Variants in LRFN5 observed in about 807,000 individuals in gnomAD.
LRFN5 encodes leucine-rich repeat and fibronectin type-III domain-containing protein 5.
Under a neutral mutation model 45.6 loss-of-function variants are expected in LRFN5, and 24 were observed. The observed-to-expected ratio is 0.53, with a 90% CI of 0.38 to 0.74. The LOEUF is 0.74. LRFN5 is among the 30% of genes least tolerant of loss of function. LRFN5 has a pLI of 0.00. For missense variants in LRFN5, 776 were observed against 861.5 expected (o/e 0.90, Z 1.24); for synonymous variants, 340 against 313.8 (o/e 1.08, Z -0.88).
rs574269708 is a variant in LRFN5 at position 41,757,749 on chromosome 14, G to A, written c.-196-9105G>A. On this transcript the variant is annotated intron_variant, in intron 1 of 5. Transcript: ENST00000298119. ...CCCTGCTTTGGCTCACGCTCGGTGC[G>A]CTGCACCCACTGTACTGCACCCACT... 8.5e-4 allele frequency among the ~76,000 whole-genome samples: 129 copies of A among 152,238 alleles called. 1 individual carries two copies. In the South Asian group the frequency reaches 0.012, roughly 14 times the overall value.
intron 2 of LRFN5, among the ~76,000 whole-genome samples, chr14:41,863,216 T>C (rs1889729549): frequency 1.3e-5 from 2 of 152,182 alleles, no homozygotes; most frequent in African/African-American, 4.8e-5. Flanking sequence ...CTAATAGATA[T>C]CTTAAATAAT....
chr14:41,710,654 T>C (rs1883243919), intron 1 of LRFN5, among the ~76,000 whole-genome samples: 1 of 152,134 alleles, frequency 6.6e-6, no homozygotes, highest in African/African-American at 2.4e-5. Flanking sequence ...AGTTCTAGGG[T>C]ACATGTGCAC....
At chr14:41,727,109 T>C (rs1883969243) in intron 1 of LRFN5, among the ~76,000 whole-genome samples, 1 of 152,198 alleles carries the variant, frequency 6.6e-6, no homozygotes, top group South Asian at 2.1e-4. Flanking sequence ...ATTGACCTTT[T>C]ACAGTGACAA....
At chr14:41,825,881 C>A (rs908837153) in intron 2 of LRFN5, among the ~76,000 whole-genome samples, 3 of 152,168 alleles carry the variant, frequency 2.0e-5, no homozygotes, top group Non-Finnish European at 4.4e-5. Flanking sequence ...AACCAGCAGC[C>A]TGCTGCAGGG....
At chr14:41,620,728 G>C (rs896175613) in intron 1 of LRFN5, among the ~76,000 whole-genome samples, 1 of 151,682 alleles carries the variant, frequency 6.6e-6, no homozygotes, top group African/African-American at 2.4e-5. Flanking sequence ...ATGTGTAATC[G>C]ATGGCCAAGT....
At chr14:41,659,509 C>T (rs1390763511) in intron 1 of LRFN5, among the ~76,000 whole-genome samples, 2 of 152,108 alleles carry the variant, frequency 1.3e-5, no homozygotes, top group East Asian at 1.9e-4. Flanking sequence ...CCACAATAAA[C>T]ATATGGGTGC....
chr14:41,806,820 A>T (rs1227595046), intron 2 of LRFN5, among the ~76,000 whole-genome samples: 1 of 152,184 alleles, frequency 6.6e-6, no homozygotes, highest in Admixed American at 6.6e-5. Context: ...ACTGATGAAG[A>T]CGTCTCATCA....
chr14:41,619,256 C>A (rs1409608192), intron 1 of LRFN5, among the ~76,000 whole-genome samples: 2 of 151,962 alleles, frequency 1.3e-5, no homozygotes, highest in Non-Finnish European at 2.9e-5. Flanking sequence ...CCTTGATATT[C>A]ATCTTTTAGT....
chr14:41,746,298 A>G (rs1884915753), intron 1 of LRFN5, among the ~76,000 whole-genome samples: 1 of 152,030 alleles, frequency 6.6e-6, no homozygotes, highest in Admixed American at 6.6e-5. Context: ...GACAAAATTC[A>G]CTATCTTTTC....
At chr14:41,696,155 G>T (rs1882600467) in intron 1 of LRFN5, among the ~76,000 whole-genome samples, 1 of 151,902 alleles carries the variant, frequency 6.6e-6, no homozygotes. Flanking sequence ...ACTAAAAATA[G>T]AAGTGGAGCC....
At chr14:41,692,561 C>T (rs1472035246) in intron 1 of LRFN5, among the ~76,000 whole-genome samples, 2 of 152,072 alleles carry the variant, frequency 1.3e-5, no homozygotes, top group Non-Finnish European at 2.9e-5. Flanking sequence ...GCTATCCCTC[C>T]TAACTTCCCC....
intron 2 of LRFN5, among the ~76,000 whole-genome samples, chr14:41,846,173 C>T (rs1889055142): frequency 6.6e-6 from 1 of 151,324 alleles, no homozygotes. Flanking sequence ...TATTGGAGAA[C>T]TATTTCCAGA....
intron 3 of LRFN5, among the ~76,000 whole-genome samples, chr14:41,890,153 C>T (rs1174632213): frequency 6.6e-6 from 1 of 152,068 alleles, no homozygotes; most frequent in South Asian, 2.1e-4. Flanking sequence ...CATGAGCCAC[C>T]GCAGTGAAAG....
intron 1 of LRFN5, among the ~76,000 whole-genome samples, chr14:41,656,910 G>T (rs972867840): frequency 4.0e-5 from 6 of 151,750 alleles, no homozygotes; most frequent in Admixed American, 6.6e-5. Context: ...TCTGTTATTT[G>T]TTCATTTTTT....
chr14:41,751,951 T>A (rs1885152991), intron 1 of LRFN5, among the ~76,000 whole-genome samples: 1 of 152,130 alleles, frequency 6.6e-6, no homozygotes, highest in Admixed American at 6.6e-5. Context: ...TGTGTGATGT[T>A]CCCCTTCCTG....
chr14:41,680,571 CT>C (rs1161436498), intron 1 of LRFN5, among the ~76,000 whole-genome samples: 2 of 152,142 alleles, frequency 1.3e-5, no homozygotes, highest in African/African-American at 4.8e-5. Flanking sequence ...CAGGTGCCCC[CT>C]AATGCAAATA....
intron 1 of LRFN5, among the ~76,000 whole-genome samples, chr14:41,696,844 C>G (rs1882635425): frequency 6.6e-6 from 1 of 151,852 alleles, no homozygotes; most frequent in Non-Finnish European, 1.5e-5. Context: ...GTTTCATGAA[C>G]CTGTAGGCCA....
At chr14:41,781,174 T>C (rs1218280608) in intron 2 of LRFN5, among the ~76,000 whole-genome samples, 1 of 152,176 alleles carries the variant, frequency 6.6e-6, no homozygotes, top group African/African-American at 2.4e-5. Flanking sequence ...TTTCTTCTCC[T>C]GAAAGAACTT....
rs376202754 is a variant in LRFN5, at chr14:41,904,133, C to CCTTTTT, written c.2143-14_2143-9dup. 677 of 1,552,804 alleles carry CCTTTTT rather than the reference C, an allele frequency of 4.4e-4. 5 individuals carry two copies. The African/African-American group carries it at 5.5e-3, about 13-fold the overall frequency. On this transcript the variant is annotated intron_variant, in intron 5 of 5. Transcript: ENST00000298119. Reference sequence around the variant, plus strand: ...TCTTTCTTCCTTTCTTTCTTTTTTTCCTTTTTCTTTTTCTTTCATTTCAGA... The same window carrying CCTTTTT: ...TCTTTCTTCCTTTCTTTCTTTTTTTCCTTTTTCTTTTTCTTTTTCTTTCATTTCAGA...
Sources: gnomAD v4.1 joint callset for allele counts (sites outside exome capture counted in the v4.1 genomes callset) on GRCh38, gnomAD v4.1.1 for gene constraint, MANE v1.5 for transcripts, NCBI Gene and HGNC (gene_info 2026-07-23, HGNC 2026-07-21) for gene names.